Variants in CCNH observed in about 807,000 individuals in gnomAD.
The protein encoded by CCNH is cyclin-H.
A neutral mutation model predicts 41.9 loss-of-function variants in CCNH; 31 were observed. The observed-to-expected ratio is 0.74, with a 90% CI of 0.56 to 1.00. CCNH has a LOEUF of 1.00. Among genes scored for constraint, CCNH ranks in the 50% least tolerant of loss-of-function variants. The probability of loss-of-function intolerance (pLI) is 0.00; values close to 1 mark genes in which losing one functional copy is unlikely to be tolerated. For synonymous variants in CCNH, 138 were observed against 136.1 expected (o/e 1.01, Z -0.10); for missense variants, 362 against 388.4 (o/e 0.93, Z 0.57).
chr5:87,352,295 C>G (rs540695475), intron 9 of CCNH, among the ~76,000 whole-genome samples: 1 of 145,608 alleles, frequency 6.9e-6, no homozygotes, highest in Admixed American at 6.9e-5. Context: ...AGATAACATA[C>G]TTGAAGATAC....
chr5:87,391,433 T>TA (rs1288699194), downstream of CCNH: 1 of 242,882 alleles, frequency 4.1e-6, no homozygotes, highest in Non-Finnish European at 8.2e-6. Flanking sequence ...TGTATACTTT[T>TA]AAAAAATACT....
chr5:87,314,740 TAA>T (rs1031605229), downstream of CCNH, among the ~76,000 whole-genome samples: 1 of 146,888 alleles, frequency 6.8e-6, no homozygotes, highest in African/African-American at 2.5e-5. Flanking sequence ...GATGGTCATT[TAA>T]AAAAAAAAAG....
chr5:87,378,385 T>C (rs750436800), upstream of CCNH: 10 of 1,612,126 alleles, frequency 6.2e-6, no homozygotes, highest in African/African-American at 5.3e-5. Context: ...CTAATGTAAA[T>C]ATTTGTGTAG....
intron 7 of CCNH, among the ~76,000 whole-genome samples, chr5:87,396,183 T>C (rs1299453601): frequency 6.6e-6 from 1 of 152,178 alleles, no homozygotes; most frequent in African/African-American, 2.4e-5. Context: ...TTAAAGTATA[T>C]GGGAGGATGT....
At chr5:87,388,265 G>A (rs1762206376), downstream of CCNH, among the ~76,000 whole-genome samples, 1 of 152,114 alleles carries the variant, frequency 6.6e-6, no homozygotes, top group Non-Finnish European at 1.5e-5. Flanking sequence ...CTGTCCCATA[G>A]ATAACATTGT....
intron 9 of CCNH, chr5:87,349,081 TAAA>T: frequency 1.9e-6 from 2 of 1,030,136 alleles, no homozygotes; most frequent in Non-Finnish European, 2.8e-6. Context: ...GAAATTATCT[TAAA>T]AAAAAAACAA....
downstream of CCNH, among the ~76,000 whole-genome samples, chr5:87,313,924 T>A (rs1189797357): frequency 6.6e-6 from 1 of 152,036 alleles, no homozygotes; most frequent in East Asian, 1.9e-4. Flanking sequence ...TCCCAGCACT[T>A]TGGGAGGCTG....
upstream of CCNH, chr5:87,379,905 T>A: frequency 6.5e-7 from 1 of 1,546,882 alleles, no homozygotes; most frequent in Non-Finnish European, 8.9e-7. Flanking sequence ...TCTTCAGAAA[T>A]TTCTATTTCT....
intron 9 of CCNH, among the ~76,000 whole-genome samples, chr5:87,322,594 C>G (rs1756910259): frequency 6.6e-6 from 1 of 152,094 alleles, no homozygotes; most frequent in Non-Finnish European, 1.5e-5. Context: ...CCTTTGCCTT[C>G]TGCCATGAGT....
chr5:87,393,680 T>C (rs965459975), downstream of CCNH: 8 of 152,166 alleles, frequency 5.3e-5, no homozygotes, highest in African/African-American at 1.9e-4. Flanking sequence ...AGGTTAATTA[T>C]AAGGCTGTGG....
rs1238070751 is a variant in CCNH at position 87,332,005 on chromosome 5, G to GA, written c.*91-13109dup. On this transcript the variant is annotated intron_variant and NMD_transcript_variant, in intron 9 of 9. Coordinates refer to the CCNH transcript ENST00000645953. ...TTGTTTCATTTTTATAGAAGAAATTGAAAAAAATCATCTAATGCATATAGT... is the reference window on the plus strand; with the variant it reads ...TTGTTTCATTTTTATAGAAGAAATTGAAAAAAAATCATCTAATGCATATAGT... 4.6e-5 allele frequency among the ~76,000 whole-genome samples: 7 copies of GA among 151,968 alleles called. No homozygotes were observed. The South Asian group carries it at 1.0e-3, about 23-fold the overall frequency.
At chr5:87,386,191 A>G (rs975948550) in intron 9 of CCNH, among the ~76,000 whole-genome samples, 1 of 151,912 alleles carries the variant, frequency 6.6e-6, no homozygotes, top group Non-Finnish European at 1.5e-5. Context: ...TCATGTCTTT[A>G]TCTTTGGAAT....
chr5:87,399,228 G>C (rs1354952386), intron 7 of CCNH, among the ~76,000 whole-genome samples, 166 bp downstream of exon 7: 1 of 152,112 alleles, frequency 6.6e-6, no homozygotes, highest in Non-Finnish European at 1.5e-5. Flanking sequence ...AGTGAATGCC[G>C]AACTATTACC....
chr5:87,387,037 T>C (rs1014016046), downstream of CCNH: 3 of 776,204 alleles, frequency 3.9e-6, no homozygotes, highest in Non-Finnish European at 6.3e-6. Flanking sequence ...AATTTTTGTC[T>C]GCCTTCCTAA....
chr5:87,332,480 A>G, intron 9 of CCNH: 1 of 1,585,340 alleles, frequency 6.3e-7, no homozygotes, highest in Non-Finnish European at 8.6e-7. Context: ...AGATTTTTTT[A>G]TACTGTATTT....
chr5:87,317,213 T>G (rs531699139), downstream of CCNH, among the ~76,000 whole-genome samples: 1 of 152,180 alleles, frequency 6.6e-6, no homozygotes, highest in African/African-American at 2.4e-5. Context: ...ACTTCATCTG[T>G]ACTTTTATTA....
chr5:87,390,708 G>A (rs565131915), downstream of CCNH: 41 of 1,006,068 alleles, frequency 4.1e-5, no homozygotes, highest in African/African-American at 6.0e-4. Flanking sequence ...GCATCCTTTT[G>A]CTTTGATACA....
At chr5:87,365,515 G>A (rs1008484248) in intron 9 of CCNH, among the ~76,000 whole-genome samples, 2 of 152,022 alleles carry the variant, frequency 1.3e-5, no homozygotes, top group African/African-American at 4.8e-5. Flanking sequence ...TCGATTAACA[G>A]AGAAGTTAAA....
At position 87,331,375 on chromosome 5, in the gene CCNH, G is replaced by A. The variant is rs139174054; in HGVS notation, c.*91-12478C>T. 5.0e-6 allele frequency: 8 copies of A among 1,611,930 alleles called. No homozygotes were observed. The highest frequency in any genetic ancestry group is 2.7e-5 in the African/African-American group (2 of 74,842). On this transcript the variant is annotated intron_variant and NMD_transcript_variant, in intron 9 of 9. Transcript: ENST00000645953. ...GGTATCACGGAAAACTTGACAGAACGATAGCAGAAGAACGCCTCAGGCAGG... is the reference window on the plus strand; with the variant it reads ...GGTATCACGGAAAACTTGACAGAACAATAGCAGAAGAACGCCTCAGGCAGG...
Sources: allele counts gnomAD v4.1 joint callset (sites outside exome capture counted in the v4.1 genomes callset), GRCh38; gene constraint gnomAD v4.1.1; transcripts MANE v1.5; gene names NCBI Gene and HGNC (gene_info 2026-07-23, HGNC 2026-07-21).